The following PRXL2A variants were observed in gnomAD, a reference collection of about 807,000 sequenced individuals.
PRXL2A encodes peroxiredoxin like 2A.
PRXL2A carries 26 observed loss-of-function variants against 25.6 expected under a neutral mutation model. The ratio of observed to expected loss-of-function variants is 1.02; its 90% CI spans 0.74 to 1.41. The LOEUF (loss-of-function observed/expected upper bound fraction) is 1.41, where lower values mean the gene tolerates loss of function less well. PRXL2A is among the 40% of genes most tolerant of loss of function. PRXL2A has a pLI of 0.00. For synonymous variants in PRXL2A, 98 were observed against 102.9 expected, an observed-to-expected ratio of 0.95 and a Z score of 0.29; for missense variants, 246 against 273.9, an observed-to-expected ratio of 0.90 and a Z score of 0.72.
At chr10:80,414,194 G>C (rs994584044) in intron 1 of PRXL2A, among the ~76,000 whole-genome samples, 4 of 152,192 alleles carry the variant, frequency 2.6e-5, no homozygotes, top group African/African-American at 4.8e-5. Context: ...GTTCAGACCA[G>C]AGCTGCCACT....
intron 5 of PRXL2A, among the ~76,000 whole-genome samples, chr10:80,430,082 G>A (rs1227871877): frequency 2.0e-5 from 3 of 148,694 alleles, no homozygotes; most frequent in Non-Finnish European, 3.0e-5. Context: ...GGGGTGGTGG[G>A]GATTTCCTTT....
intron 4 of PRXL2A, among the ~76,000 whole-genome samples, chr10:80,426,653 C>G (rs746528506): frequency 3.6e-4 from 55 of 152,286 alleles, no homozygotes; most frequent in South Asian, 3.5e-3. Context: ...AGCCCCACAC[C>G]CTGTCCCTTA....
rs1206878879 is a variant in PRXL2A, at chr10:80,433,043, C to G, written c.*944C>G. On this transcript the variant is annotated 3_prime_UTR_variant, in exon 6 of 6. Transcript: ENST00000606162. Reference sequence around the variant, plus strand: ...TGATAAAACTAATAATTATATTTACCATATAATTGGCTGAAAGTAAAAAAA... The same window carrying G: ...TGATAAAACTAATAATTATATTTACGATATAATTGGCTGAAAGTAAAAAAA... 2 of 152,002 alleles carry G rather than the reference C, an allele frequency of 1.3e-5. No homozygotes were observed. The highest frequency in any genetic ancestry group is 2.9e-5 in the Non-Finnish European group (2 of 68,004). The allele number at this position is 152,002 out of a possible 1,614,324, so 9.4% of individuals were successfully genotyped here.
chr10:80,425,144 T>C (rs747632629), intron 3 of PRXL2A, among the ~76,000 whole-genome samples: 1 of 152,190 alleles, frequency 6.6e-6, no homozygotes, highest in Non-Finnish European at 1.5e-5. Context: ...TGACACCAAA[T>C]GTGAAAAAAG....
intron 3 of PRXL2A, among the ~76,000 whole-genome samples, chr10:80,424,738 G>C (rs1244064511): frequency 6.6e-6 from 1 of 152,126 alleles, no homozygotes; most frequent in East Asian, 1.9e-4. Context: ...GTGCGCCCCT[G>C]TAATCCCAGT....
chr10:80,430,197 G>C (rs1355238620), intron 5 of PRXL2A, among the ~76,000 whole-genome samples: 11 of 146,156 alleles, frequency 7.5e-5, no homozygotes, highest in Admixed American at 7.0e-4. Context: ...ACCCCCCCGG[G>C]TTCAAGCGAT....
chr10:80,414,011 T>A (rs188504917), intron 1 of PRXL2A: 176 of 296,060 alleles, frequency 5.9e-4, no homozygotes, highest in African/African-American at 3.7e-3. Flanking sequence ...GGGGGCAGTG[T>A]TGAGGAGCCT....
At chr10:80,414,226 T>G (rs536114919) in intron 1 of PRXL2A, among the ~76,000 whole-genome samples, 2 of 152,186 alleles carry the variant, frequency 1.3e-5, no homozygotes, top group African/African-American at 4.8e-5. Flanking sequence ...CAGCTGTTGT[T>G]TGTTTGTGGC....
chr10:80,412,173 A>T (rs1312823372), intron 1 of PRXL2A, among the ~76,000 whole-genome samples: 1 of 152,134 alleles, frequency 6.6e-6, no homozygotes, highest in African/African-American at 2.4e-5. Flanking sequence ...AGACAACCTC[A>T]TAGAATTTTG....
chr10:80,416,659 CT>C (rs1312978368), intron 1 of PRXL2A, among the ~76,000 whole-genome samples: 1 of 152,192 alleles, frequency 6.6e-6, no homozygotes, highest in African/African-American at 2.4e-5. Context: ...GGGCCCAGCT[CT>C]CCAAGCCCAG....
intron 3 of PRXL2A, 56 bp from the exon 4 acceptor site, chr10:80,425,810 G>C: frequency 6.2e-7 from 1 of 1,609,090 alleles, no homozygotes; most frequent in Non-Finnish European, 8.5e-7. Flanking sequence ...GACACCCTAT[G>C]TGGAGGCCCA....
chr10:80,433,858 G>A lies in PRXL2A; in HGVS notation c.*1759G>A, dbSNP rs1013133902. 3 of 152,290 alleles carry A rather than the reference G, an allele frequency of 2.0e-5. No individual in the cohort carries two copies. The highest frequency in any genetic ancestry group is 4.8e-5 in the African/African-American group (2 of 41,474). The allele number at this position is 152,290 out of a possible 1,614,324, so 9.4% of individuals were successfully genotyped here. On this transcript the variant is annotated 3_prime_UTR_variant, in exon 6 of 6. Coordinates refer to ENST00000606162, the MANE Select transcript of PRXL2A (RefSeq NM_032333.5). The stretch of plus-strand genomic sequence containing the variant: ...ACTAAAGAAGAACCTGAGGTCAGGT[G>A]TGGTGGCTCACGCCTGTAATCCTAG...
At position 80,432,136 on chromosome 10, in the gene PRXL2A, C is replaced by A; in HGVS notation, c.*37C>A. 1 of 1,268,742 alleles carries A rather than the reference C, an allele frequency of 7.9e-7. No homozygotes were observed. Among genetic ancestry groups the A allele is most frequent in the Non-Finnish European group, 1.1e-6 (1 of 878,562 alleles). 78.6% of individuals were successfully genotyped at this position (1,268,742 alleles called of 1,614,324 possible). A position where few individuals can be genotyped will look rare whatever the true frequency, so the allele number is the denominator to read the frequency against. ...TGCCCAGCTCAGGGATAACCAGGGA[C>A]ATTCACCTGTGTTCATGGGATGTAT... On this transcript the variant is annotated 3_prime_UTR_variant, in exon 6 of 6. Transcript: ENST00000606162.
rs1844937144 is a variant in PRXL2A at position 80,423,609 on chromosome 10, C to A, written c.270+1101C>A. ...CTGGATGCATGTGATGCCTGCAGTACCCTACCCCCAGGGCACTGTGTGCCT... is the reference window on the plus strand; with the variant it reads ...CTGGATGCATGTGATGCCTGCAGTAACCTACCCCCAGGGCACTGTGTGCCT... On this transcript the variant is annotated intron_variant, in intron 3 of 5. Coordinates refer to ENST00000606162, the MANE Select transcript of PRXL2A (RefSeq NM_032333.5). Among the ~76,000 whole-genome samples the A allele has an allele frequency of 2.6e-5, 4 of 152,176 alleles. No homozygotes were observed. The South Asian group carries it at 8.3e-4, about 32-fold the overall frequency.
Position 80,432,215 on chromosome 10 carries a change from G to T in PRXL2A, c.*116G>T. ...GAAACCCATTTATACTCTACTCTCA[G>T]TATGGATTATTAATGTATTTTAATA... On this transcript the variant is annotated 3_prime_UTR_variant, in exon 6 of 6. Transcript: ENST00000606162. 1.6e-6 allele frequency: 1 copy of T among 619,668 alleles called. No individual in the cohort carries two copies. Among genetic ancestry groups the T allele is most frequent in the Non-Finnish European group, 2.8e-6 (1 of 356,482 alleles). 38.4% of individuals were successfully genotyped at this position (619,668 alleles called of 1,614,324 possible). A position where few individuals can be genotyped will look rare whatever the true frequency, so the allele number is the denominator to read the frequency against.
intron 5 of PRXL2A, among the ~76,000 whole-genome samples, chr10:80,429,820 C>T (rs1040310132): frequency 5.9e-5 from 9 of 152,212 alleles, no homozygotes; most frequent in Non-Finnish European, 1.2e-4. Context: ...TTCCCCTACC[C>T]GCCTCTGCCT....
At position 80,433,472 on chromosome 10, in the gene PRXL2A, G is replaced by A. The variant is rs986661187; in HGVS notation, c.*1373G>A. The A allele has an allele frequency of 3.9e-5, 6 of 152,302 alleles. No homozygotes were observed. Among genetic ancestry groups the A allele is most frequent in the Admixed American group, 3.3e-4 (5 of 15,282 alleles). The allele number at this position is 152,302 out of a possible 1,614,324, so 9.4% of individuals were successfully genotyped here. ...TTACCCAGGGGACTGGCCCAGCCAG[G>A]AGGAGAAAGGAATCAGTGTTTACCC... On this transcript the variant is annotated 3_prime_UTR_variant, in exon 6 of 6. Transcript: ENST00000606162.
In PRXL2A at chr10:80,431,974, G is replaced by A. The variant is rs748261426; in HGVS notation, c.577-12G>A. 4 of 1,584,110 alleles carry A rather than the reference G, an allele frequency of 2.5e-6. No homozygotes were observed. The Admixed American group carries it at 5.2e-5, about 20-fold the overall frequency. Reference sequence around the variant, plus strand: ...AGGATGAGGACTGACATTATCTCTTGTTTCCTTTTAGGGCATTCTTCTTGA... The same window carrying A: ...AGGATGAGGACTGACATTATCTCTTATTTCCTTTTAGGGCATTCTTCTTGA... On this transcript the variant is annotated splice_polypyrimidine_tract_variant and intron_variant, in intron 5 of 5. Coordinates refer to ENST00000606162, the MANE Select transcript of PRXL2A (RefSeq NM_032333.5).
At chr10:80,427,211 CT>C (rs1411354819) in intron 4 of PRXL2A, 120 bp from the exon 5 acceptor site, 1 of 721,452 alleles carries the variant, frequency 1.4e-6, no homozygotes, top group Non-Finnish European at 2.3e-6. Context: ...GGAGAGAAGA[CT>C]GGAACCAGCA....
Sources: gnomAD v4.1 joint callset for allele counts (sites outside exome capture counted in the v4.1 genomes callset) on GRCh38, gnomAD v4.1.1 for gene constraint, MANE v1.5 for transcripts, NCBI Gene and HGNC (gene_info 2026-07-23, HGNC 2026-07-21) for gene names.